Variants in ZNF766 observed in about 807,000 individuals in gnomAD.
The protein encoded by ZNF766 is zinc finger protein 766.
In ZNF766, 13 loss-of-function variants were observed where a neutral mutation model predicts 13.2. The ratio of observed to expected loss-of-function variants is 0.98; its 90% CI spans 0.64 to 1.56. The LOEUF is 1.56. Ranked by LOEUF, ZNF766 falls within the 40% of genes most tolerant of loss-of-function variation. The pLI, the probability that ZNF766 is intolerant of heterozygous loss-of-function variation, is 0.00. For synonymous variants in ZNF766, 178 were observed against 187.6 expected, an observed-to-expected ratio of 0.95 and a Z score of 0.42; for missense variants, 521 against 552.2, an observed-to-expected ratio of 0.94 and a Z score of 0.57.
At chr19:52,269,765 C>G in intron 1 of ZNF766, 134 bp downstream of exon 1, 2 of 1,188,536 alleles carry the variant, frequency 1.7e-6, no homozygotes, top group South Asian at 1.5e-5. Context: ...TCATGCGTCC[C>G]GTCAGAGTGT....
chr19:52,281,572 T>C, intron 1 of ZNF766: 1 of 332,528 alleles, frequency 3.0e-6, no homozygotes, highest in Non-Finnish European at 5.8e-6. Flanking sequence ...GCAGTAAGAA[T>C]AGTAATGTAT....
rs1365661826 is a variant in ZNF766, at chr19:52,294,958, G to A, written c.*3760G>A. 1.3e-5 allele frequency: 2 copies of A among 150,640 alleles called. No homozygotes were observed. The highest frequency in any genetic ancestry group is 1.3e-4 in the Admixed American group (2 of 15,104). The allele number at this position is 150,640 out of a possible 1,614,324, so 9.3% of individuals were successfully genotyped here. A position where few individuals can be genotyped will look rare whatever the true frequency, so the allele number is the denominator to read the frequency against. On this transcript the variant is annotated 3_prime_UTR_variant, in exon 4 of 4. Coordinates refer to ENST00000439461, the MANE Select transcript of ZNF766 (RefSeq NM_001010851.3). Reference sequence around the variant, plus strand: ...ATAAATATAATGTATTATATAATATGATTAAAATATATTTGTTATAAATAT... The same window carrying A: ...ATAAATATAATGTATTATATAATATAATTAAAATATATTTGTTATAAATAT...
At position 52,292,129 on chromosome 19, in the gene ZNF766, T is replaced by C. The variant is rs1982177048; in HGVS notation, c.*931T>C. ...ACTTCAACCTGAACTTTGAAATTTC[T>C]TCATGTGCCTTCCCTACAGGCCTTT... On this transcript the variant is annotated 3_prime_UTR_variant, in exon 4 of 4. Coordinates refer to ENST00000439461, the MANE Select transcript of ZNF766 (RefSeq NM_001010851.3). The C allele has an allele frequency of 2.8e-6, 2 of 702,228 alleles. No homozygotes were observed. The highest frequency in any genetic ancestry group is 3.5e-5 in the African/African-American group (2 of 57,228). 43.5% of individuals were successfully genotyped at this position (702,228 alleles called of 1,614,324 possible).
At chr19:52,275,087 G>A (rs576654519) in intron 1 of ZNF766, among the ~76,000 whole-genome samples, 21 of 152,264 alleles carry the variant, frequency 1.4e-4, no homozygotes, top group Non-Finnish European at 2.1e-4. Flanking sequence ...AAGGAGTGAC[G>A]CCTCTAGAAG....
chr19:52,289,844 CA>C (rs888561304), intron 3 of ZNF766, among the ~76,000 whole-genome samples: 3 of 151,832 alleles, frequency 2.0e-5, no homozygotes, highest in African/African-American at 7.3e-5. Flanking sequence ...ACTAAAAATA[CA>C]AAAAAATTAG....
intron 1 of ZNF766, among the ~76,000 whole-genome samples, chr19:52,272,313 G>A (rs1380189521): frequency 3.9e-5 from 6 of 152,120 alleles, no homozygotes; most frequent in Non-Finnish European, 8.8e-5. Context: ...ATGTTGCACA[G>A]CTGATCATTC....
intron 1 of ZNF766, among the ~76,000 whole-genome samples, chr19:52,275,212 C>A (rs1404051130): frequency 6.6e-6 from 1 of 152,036 alleles, no homozygotes; most frequent in African/African-American, 2.4e-5. Flanking sequence ...GGTCCTGACC[C>A]TGTGCAGGCC....
chr19:52,275,984 C>T (rs1053562781), intron 1 of ZNF766, among the ~76,000 whole-genome samples: 1 of 152,142 alleles, frequency 6.6e-6, no homozygotes, highest in Non-Finnish European at 1.5e-5. Flanking sequence ...CCTGGCCTTA[C>T]TGTACCTTTT....
chr19:52,270,922 C>T (rs2560875), intron 1 of ZNF766, among the ~76,000 whole-genome samples: 61,889 of 151,764 alleles, frequency 0.41, 13,516 homozygotes, highest in African/African-American at 0.56. Flanking sequence ...GTAGCTGGGA[C>T]TACAGGCGCC....
intron 1 of ZNF766, among the ~76,000 whole-genome samples, chr19:52,276,372 A>T (rs2122467145): frequency 6.6e-6 from 1 of 152,200 alleles, no homozygotes; most frequent in South Asian, 2.1e-4. Context: ...GCTATTTTAT[A>T]TTGGTATATT....
At chr19:52,276,455 G>A (rs1012566927) in intron 1 of ZNF766, among the ~76,000 whole-genome samples, 4 of 152,048 alleles carry the variant, frequency 2.6e-5, no homozygotes, top group Non-Finnish European at 5.9e-5. Context: ...CCCATGCACT[G>A]TATACTCTGT....
intron 1 of ZNF766, among the ~76,000 whole-genome samples, chr19:52,281,154 T>TC (rs966080046): frequency 3.5e-5 from 5 of 142,666 alleles, no homozygotes; most frequent in South Asian, 2.2e-4. Context: ...AAACTCCATC[T>TC]AAAAAAAAAA....
intron 1 of ZNF766, chr19:52,281,712 G>A (rs1555795562): frequency 6.9e-5 from 31 of 448,606 alleles, no homozygotes; most frequent in South Asian, 5.2e-4. Context: ...TTACTTAACT[G>A]CTTGATTCTT....
intron 3 of ZNF766, among the ~76,000 whole-genome samples, chr19:52,288,601 C>G (rs1007820057): frequency 6.7e-6 from 1 of 150,260 alleles, no homozygotes; most frequent in Non-Finnish European, 1.5e-5. Flanking sequence ...ACTTTGTTGC[C>G]TAGGCTGGTC....
At chr19:52,284,791 T>C (rs321908) in intron 3 of ZNF766, 18,031 of 151,810 alleles carry the variant, frequency 0.12, 1,619 homozygotes, top group African/African-American at 0.25. Context: ...TCGTTATGTT[T>C]ATTGGTTCAT....
intron 1 of ZNF766, chr19:52,281,713 C>T (rs540961562): frequency 2.2e-6 from 1 of 448,680 alleles, no homozygotes; most frequent in East Asian, 7.0e-5. Flanking sequence ...TACTTAACTG[C>T]TTGATTCTTT....
At chr19:52,275,220 G>T (rs1981137772) in intron 1 of ZNF766, among the ~76,000 whole-genome samples, 1 of 152,066 alleles carries the variant, frequency 6.6e-6, no homozygotes, top group African/African-American at 2.4e-5. Flanking sequence ...CCCTGTGCAG[G>T]CCTAGGCTGA....
rs193020322 is a variant in ZNF766 at position 52,294,187 on chromosome 19, G to C, written c.*2989G>C. 3 of 152,260 alleles carry C rather than the reference G, an allele frequency of 2.0e-5. No individual in the cohort carries two copies. The East Asian group carries it at 5.8e-4, about 29-fold the overall frequency. The allele number at this position is 152,260 out of a possible 1,614,324, so 9.4% of individuals were successfully genotyped here. A position where few individuals can be genotyped will look rare whatever the true frequency, so the allele number is the denominator to read the frequency against. ...ATGAAAATATTGTAACAATCTTGCT[G>C]TTGACCTCGTAGCGCTCAGTGACAT... On this transcript the variant is annotated 3_prime_UTR_variant, in exon 4 of 4. Transcript: ENST00000439461.
chr19:52,283,627 T>C (rs988305735), intron 3 of ZNF766, among the ~76,000 whole-genome samples: 23 of 152,342 alleles, frequency 1.5e-4, no homozygotes, highest in Non-Finnish European at 2.5e-4. Context: ...ATCGTGTTTA[T>C]AAGTGGGAGA....
Sources: allele counts gnomAD v4.1 joint callset (sites outside exome capture counted in the v4.1 genomes callset), GRCh38; gene constraint gnomAD v4.1.1; transcripts MANE v1.5; gene names NCBI Gene and HGNC (gene_info 2026-07-23, HGNC 2026-07-21).